The following ALCAM variants were observed in gnomAD, a reference collection of about 807,000 sequenced individuals.
ALCAM encodes CD166 antigen.
A neutral mutation model predicts 70.9 loss-of-function variants in ALCAM; 30 were observed. The observed-to-expected ratio is 0.42, with a 90% CI of 0.32 to 0.57. ALCAM has a LOEUF of 0.57. Among genes scored for constraint, ALCAM ranks in the 20% least tolerant of loss-of-function variants. The probability of loss-of-function intolerance (pLI) is 0.11; values close to 1 mark genes in which losing one functional copy is unlikely to be tolerated. For missense variants in ALCAM, 591 were observed against 695.1 expected, an observed-to-expected ratio of 0.85 and a Z score of 1.68; for synonymous variants, 249 against 242.5, an observed-to-expected ratio of 1.03 and a Z score of -0.25.
intron 1 of ALCAM, among the ~76,000 whole-genome samples, chr3:105,384,022 T>G (rs1162459311): frequency 6.6e-6 from 1 of 151,632 alleles, no homozygotes; most frequent in East Asian, 1.9e-4. Context: ...TTAACATATT[T>G]GTACCACTGA....
At chr3:105,519,548 G>T (rs943108451) in intron 1 of ALCAM, among the ~76,000 whole-genome samples, 1 of 151,940 alleles carries the variant, frequency 6.6e-6, no homozygotes, top group African/African-American at 2.4e-5. Flanking sequence ...ATAAAATTCA[G>T]TTGTGGTCTT....
intron 1 of ALCAM, chr3:105,513,321 A>G (rs1248174116): frequency 2.0e-5 from 3 of 151,900 alleles, no homozygotes; most frequent in Non-Finnish European, 4.4e-5. Flanking sequence ...GATCATTGCC[A>G]AGGAAACCCT....
At chr3:105,565,226 A>G (rs933207821) in intron 14 of ALCAM, among the ~76,000 whole-genome samples, 5 of 152,230 alleles carry the variant, frequency 3.3e-5, no homozygotes, top group African/African-American at 1.2e-4. Context: ...CAATTTTTTT[A>G]CATATATGTT....
At chr3:105,462,434 C>T (rs371821150) in intron 1 of ALCAM, among the ~76,000 whole-genome samples, 49 of 151,518 alleles carry the variant, frequency 3.2e-4, no homozygotes, top group East Asian at 2.9e-3. Context: ...AAATAATATA[C>T]ATGTATAAAT....
chr3:105,454,962 G>A (rs966341108), intron 1 of ALCAM, among the ~76,000 whole-genome samples: 3 of 151,880 alleles, frequency 2.0e-5, no homozygotes, highest in Admixed American at 6.6e-5. Context: ...TTACAGGCGT[G>A]AGCCACTGCA....
intron 1 of ALCAM, among the ~76,000 whole-genome samples, chr3:105,394,167 T>G (rs1397258041): frequency 6.6e-6 from 1 of 151,926 alleles, no homozygotes; most frequent in Non-Finnish European, 1.5e-5. Flanking sequence ...GATTAAAATT[T>G]TATTCTTAGA....
intron 1 of ALCAM, among the ~76,000 whole-genome samples, chr3:105,376,519 T>C (rs1935382627): frequency 6.6e-6 from 1 of 152,232 alleles, no homozygotes; most frequent in Non-Finnish European, 1.5e-5. Context: ...GTGCTCAGTA[T>C]GTACTACACA....
At chr3:105,542,038 A>C (rs937743704) in intron 8 of ALCAM, among the ~76,000 whole-genome samples, 1 of 151,866 alleles carries the variant, frequency 6.6e-6, no homozygotes, top group Non-Finnish European at 1.5e-5. Context: ...GTCAATGAAC[A>C]ATATTCATAT....
At chr3:105,512,515 A>G (rs1333310304) in intron 1 of ALCAM, among the ~76,000 whole-genome samples, 1 of 151,924 alleles carries the variant, frequency 6.6e-6, no homozygotes. Flanking sequence ...TTAGATTTTC[A>G]TGCTCAGAAA....
intron 1 of ALCAM, among the ~76,000 whole-genome samples, chr3:105,479,378 T>C (rs570144179): frequency 6.6e-6 from 1 of 152,290 alleles, no homozygotes; most frequent in East Asian, 1.9e-4. Context: ...TGAATGGAGA[T>C]AGTTTACTTT....
intron 1 of ALCAM, among the ~76,000 whole-genome samples, chr3:105,463,331 G>A (rs1937630375): frequency 6.6e-6 from 1 of 151,336 alleles, no homozygotes; most frequent in Non-Finnish European, 1.5e-5. Context: ...ACATTTTACA[G>A]CCTGCTCTGA....
At chr3:105,456,050 G>A (rs764141148) in intron 1 of ALCAM, among the ~76,000 whole-genome samples, 14 of 152,176 alleles carry the variant, frequency 9.2e-5, no homozygotes, top group South Asian at 2.1e-4. Context: ...ATGGACTCTA[G>A]CCTGGGCGAC....
intron 1 of ALCAM, among the ~76,000 whole-genome samples, chr3:105,385,566 GA>G (rs1935631800): frequency 6.6e-6 from 1 of 151,602 alleles, no homozygotes; most frequent in South Asian, 2.1e-4. Context: ...GCCCAAATTT[GA>G]ATCTCTTCTC....
rs1212593568 is a variant in ALCAM, at chr3:105,550,062, T to A, written c.1375-65T>A. On this transcript the variant is annotated intron_variant, in intron 11 of 15. Transcript: ENST00000306107. ...ACGCCTATCCTATTACAGTCATCAT[T>A]ACTCTTTCCTATGCTTTTTAATCCA... 8 of 1,444,970 alleles carry A rather than the reference T, an allele frequency of 5.5e-6. No homozygotes were observed. In the East Asian group the frequency reaches 1.8e-4, roughly 33 times the overall value. 89.5% of individuals were successfully genotyped at this position (1,444,970 alleles called of 1,614,324 possible).
intron 1 of ALCAM, among the ~76,000 whole-genome samples, chr3:105,460,802 G>A (rs369410279): frequency 6.6e-6 from 1 of 151,818 alleles, no homozygotes; most frequent in Non-Finnish European, 1.5e-5. Flanking sequence ...ACATGCCATT[G>A]GTGAAGATAA....
intron 1 of ALCAM, among the ~76,000 whole-genome samples, chr3:105,489,286 T>G (rs1938517372): frequency 6.6e-6 from 1 of 152,182 alleles, no homozygotes; most frequent in African/African-American, 2.4e-5. Context: ...GCCGAGATTT[T>G]TATTTCTAAC....
Position 105,524,397 on chromosome 3 carries a change from A to G in ALCAM, c.283A>G (p.Asn95Asp). 6.2e-7 allele frequency: 1 copy of G among 1,614,192 alleles called. No homozygotes were observed. The highest frequency in any genetic ancestry group is 8.5e-7 in the Non-Finnish European group (1 of 1,180,018). The change falls in exon 3 of 16, where the codon AAC becomes GAC. Residue 95 changes from asparagine (N) to aspartate (D), a missense_variant. By Grantham distance (23) the Asn-to-Asp change is conservative. This residue lies in a region of ALCAM where 427 missense variants were observed against 450.4 expected (regional missense o/e 0.95). Transcript: ENST00000306107. ...EYKDRLNLSE[N>D]YTLSISNARI... is the part of the protein sequence containing the mutation. ...CAAAGACAGATTGAACCTCTCAGAA[A>G]ACTACACTTTGTCTATCAGTAATGC...
intron 1 of ALCAM, chr3:105,439,498 C>T (rs1937125139): frequency 6.6e-6 from 1 of 152,036 alleles, no homozygotes; most frequent in Admixed American, 6.6e-5. Context: ...AAGTACTCCA[C>T]AAATTACAGT....
At position 105,532,043 on chromosome 3, in the gene ALCAM, C is replaced by T; in HGVS notation, c.436C>T (p.Leu146Phe). Residue 146 changes from leucine (L) to phenylalanine (F), a missense_variant, in exon 4 of 16, where the codon CTC becomes TTC. Physicochemically the swap from Leu to Phe is conservative, Grantham distance 22. Transcript: ENST00000306107. ...TGAAATTGTAAGCAAAGCACTGTTT[C>T]TCGAAACAGAGCAGCTAAAAAAGGT... Reference protein sequence around the residue: ...KPEIVSKALFLETEQLKKLGD... With the variant: ...KPEIVSKALFFETEQLKKLGD... 6.2e-7 allele frequency: 1 copy of T among 1,613,402 alleles called. No individual in the cohort carries two copies. The highest frequency in any genetic ancestry group is 1.3e-5 in the African/African-American group (1 of 75,002).
Sources: allele counts gnomAD v4.1 joint callset (sites outside exome capture counted in the v4.1 genomes callset), GRCh38; gene constraint gnomAD v4.1.1; regional missense constraint gnomAD v4.1.1; transcripts MANE v1.5; gene names NCBI Gene and HGNC (gene_info 2026-07-23, HGNC 2026-07-21).